Variants in KIAA2012 observed in about 807,000 individuals in gnomAD.
KIAA2012 encodes the protein KIAA2012.
KIAA2012 carries 125 observed loss-of-function variants against 150.6 expected under a neutral mutation model. The observed-to-expected ratio is 0.83, with a 90% CI of 0.72 to 0.96. The LOEUF (loss-of-function observed/expected upper bound fraction) is 0.96. Ranked by LOEUF, KIAA2012 falls within the 40% of genes least tolerant of loss-of-function variation. The pLI is 0.00. For synonymous variants in KIAA2012, 462 were observed against 504.7 expected (o/e 0.92, Z 1.13); for missense variants, 1,219 against 1,354.9 (o/e 0.90, Z 1.57).
chr2:202,132,758 A>ATATATATAGTATATATGTATATATGTG (rs1690976107), intron 12 of KIAA2012, among the ~76,000 whole-genome samples: 3 of 70,648 alleles, frequency 4.2e-5, no homozygotes, highest in Non-Finnish European at 5.9e-5. Flanking sequence ...GTATATATGT[A>ATATATATAGTATATATGTATATATGTG]TATATATACA....
intron 11 of KIAA2012, among the ~76,000 whole-genome samples, chr2:202,124,808 G>A (rs55843633): frequency 0.13 from 19,785 of 152,136 alleles, 1,654 homozygotes; most frequent in Non-Finnish European, 0.17. Flanking sequence ...GGTGGCTCAC[G>A]CCTGTAATCC....
intron 2 of KIAA2012, among the ~76,000 whole-genome samples, chr2:202,076,184 A>G (rs1321971643): frequency 1.3e-5 from 2 of 151,998 alleles, no homozygotes; most frequent in Non-Finnish European, 2.9e-5. Context: ...CTCTGCAAAC[A>G]TTCCCATACC....
chr2:202,093,985 C>G (rs1392027155), intron 4 of KIAA2012, among the ~76,000 whole-genome samples: 1 of 152,102 alleles, frequency 6.6e-6, no homozygotes, highest in Non-Finnish European at 1.5e-5. Context: ...GAGCAAGAGC[C>G]CAACATAAGA....
intron 13 of KIAA2012, among the ~76,000 whole-genome samples, chr2:202,147,417 G>A (rs1335902728): frequency 6.6e-6 from 1 of 152,168 alleles, no homozygotes; most frequent in Non-Finnish European, 1.5e-5. Context: ...AGGGCACCAC[G>A]GCCCACAGCA....
At chr2:202,101,060 TGG>T (rs1690031369) in intron 7 of KIAA2012, among the ~76,000 whole-genome samples, 1 of 152,184 alleles carries the variant, frequency 6.6e-6, no homozygotes, top group African/African-American at 2.4e-5. Context: ...GGAGTAGCTA[TGG>T]GAACATGAGC....
At chr2:202,098,706 T>C (rs1401933999) in intron 5 of KIAA2012, among the ~76,000 whole-genome samples, 1 of 152,038 alleles carries the variant, frequency 6.6e-6, no homozygotes, top group Non-Finnish European at 1.5e-5. Context: ...TTCTGTAAAA[T>C]GGAGCTATTA....
intron 9 of KIAA2012, among the ~76,000 whole-genome samples, chr2:202,107,953 G>A (rs749343110): frequency 6.6e-6 from 1 of 152,110 alleles, no homozygotes; most frequent in South Asian, 2.1e-4. Context: ...AGGTTGCAGC[G>A]AGCCAAGATC....
At chr2:202,108,490 C>CA (rs1220715486) in intron 9 of KIAA2012, among the ~76,000 whole-genome samples, 1 of 152,218 alleles carries the variant, frequency 6.6e-6, no homozygotes, top group African/African-American at 2.4e-5. Flanking sequence ...TTAGTGGTCC[C>CA]ACTCTTTAGA....
intron 2 of KIAA2012, among the ~76,000 whole-genome samples, chr2:202,080,087 A>G (rs1689412094): frequency 6.6e-6 from 1 of 152,186 alleles, no homozygotes; most frequent in South Asian, 2.1e-4. Context: ...ATTGGAGACC[A>G]ACAACGGATT....
intron 21 of KIAA2012, among the ~76,000 whole-genome samples, 179 bp downstream of exon 21, chr2:202,194,541 T>C (rs1692379568): frequency 6.6e-6 from 1 of 152,252 alleles, no homozygotes; most frequent in Non-Finnish European, 1.5e-5. Flanking sequence ...TAGATTTAAA[T>C]AAGAAAGTAA....
intron 2 of KIAA2012, among the ~76,000 whole-genome samples, chr2:202,083,532 T>C (rs1430466888): frequency 6.6e-6 from 1 of 152,240 alleles, no homozygotes; most frequent in Admixed American, 6.5e-5. Context: ...GACTGAGGGC[T>C]AGGAGATGCC....
intron 12 of KIAA2012, among the ~76,000 whole-genome samples, chr2:202,131,240 A>C (rs909340129): frequency 6.6e-6 from 1 of 152,154 alleles, no homozygotes; most frequent in Non-Finnish European, 1.5e-5. Context: ...CCCGGGTTCA[A>C]GCCATTCTCC....
At chr2:202,190,932 G>A (rs570198174) in intron 19 of KIAA2012, among the ~76,000 whole-genome samples, 24 of 152,226 alleles carry the variant, frequency 1.6e-4, no homozygotes, top group Non-Finnish European at 2.4e-4. Context: ...GCGTTTCTGC[G>A]GTATGCAGCT....
chr2:202,100,451 T>TTG lies in KIAA2012; in HGVS notation c.1155+8_1155+9dup. ...CCTGGGGAAGTGAAGAAGAAAAAGG[T>TTG]TGTGTGTATATGTATGTTTGTGCAT... On this transcript the variant is annotated splice_region_variant and intron_variant, in intron 7 of 23. Transcript: ENST00000498697. 6.5e-7 allele frequency: 1 copy of TTG among 1,549,728 alleles called. No homozygotes were observed. Among genetic ancestry groups the TTG allele is most frequent in the Non-Finnish European group, 8.7e-7 (1 of 1,146,606 alleles).
chr2:202,132,747 A>AGTATATAT (rs1553556816), intron 12 of KIAA2012, among the ~76,000 whole-genome samples: 1,487 of 104,130 alleles, frequency 0.014, 31 homozygotes, highest in Middle Eastern at 0.061. Flanking sequence ...GTATATATAT[A>AGTATATAT]GTATATATGT....
At chr2:202,078,013 G>A (rs1689362237) in intron 2 of KIAA2012, among the ~76,000 whole-genome samples, 1 of 152,130 alleles carries the variant, frequency 6.6e-6, no homozygotes, top group African/African-American at 2.4e-5. Context: ...ATTTCTGGAG[G>A]GCAATTTGGC....
At chr2:202,170,342 CTT>C (rs1441164436) in intron 15 of KIAA2012, among the ~76,000 whole-genome samples, 1 of 152,200 alleles carries the variant, frequency 6.6e-6, no homozygotes, top group Non-Finnish European at 1.5e-5. Context: ...CTGTTTCTCA[CTT>C]TCTGTGATTC....
rs1692424148 is a variant in KIAA2012 at position 202,196,856 on chromosome 2, C to G, written c.3244C>G (p.His1082Asp). Residue 1082 changes from histidine (H) to aspartate (D), a missense_variant, in exon 22 of 24, where the codon CAC (histidine) becomes GAC (aspartate). By Grantham distance (81) the His-to-Asp change is moderately conservative. Transcript: ENST00000498697. ...AATGCAGTTAGAAGAAGAACAAAAA[C>G]ACCTGATGGAAATGGCTGAAGAGGA... ...LEMQLEEEQK[H>D]LMEMAEEERL... 1 of 1,550,554 alleles carries G rather than the reference C, an allele frequency of 6.4e-7. No homozygotes were observed. The highest frequency in any genetic ancestry group is 1.4e-5 in the African/African-American group (1 of 73,030).
At chr2:202,074,781 T>A (rs1689285003) in intron 1 of KIAA2012, 110 bp from the exon 2 acceptor site, 1 of 1,126,958 alleles carries the variant, frequency 8.9e-7, no homozygotes, top group Admixed American at 2.9e-5. Context: ...ATGTGAACAG[T>A]TCAGAGAAAA....
Sources: allele counts gnomAD v4.1 joint callset (sites outside exome capture counted in the v4.1 genomes callset), GRCh38; gene constraint gnomAD v4.1.1; transcripts MANE v1.5; gene names NCBI Gene and HGNC (gene_info 2026-07-23, HGNC 2026-07-21).